UPF2: variants seen among roughly 807,000 people sequenced by gnomAD.
The protein encoded by UPF2 is regulator of nonsense transcripts 2.
Under a neutral mutation model 141.4 loss-of-function variants are expected in UPF2, and 17 were observed. That is an observed-to-expected ratio of 0.12 (90% CI 0.08 to 0.18). UPF2 has a LOEUF of 0.18. Ranked by LOEUF, UPF2 falls within the 10% of genes least tolerant of loss-of-function variation. The pLI is 1.00. For synonymous variants in UPF2, 540 were observed against 498.0 expected, an observed-to-expected ratio of 1.08 and a Z score of -1.12; for missense variants, 1,152 against 1,515.9, an observed-to-expected ratio of 0.76 and a Z score of 3.99.
chr10:12,016,382 C>T lies in UPF2; in HGVS notation c.1146-2198G>A, dbSNP rs1248717542. ...CTCGGCCAAAATTAAATAAAATACTCGAATAAGTAATGCTCAGAAGTAGGT... is the reference window on the plus strand; with the variant it reads ...CTCGGCCAAAATTAAATAAAATACTTGAATAAGTAATGCTCAGAAGTAGGT... On this transcript the variant is annotated intron_variant, in intron 3 of 21. Coordinates refer to ENST00000357604, the MANE Select transcript of UPF2 (RefSeq NM_015542.4). The surrounding 1 kb of genome is among the most constrained non-coding windows in gnomAD (Gnocchi z 4.1). 1.3e-5 allele frequency among the ~76,000 whole-genome samples: 2 copies of T among 152,038 alleles called. No individual in the cohort carries two copies. Among genetic ancestry groups the T allele is most frequent in the South Asian group, 2.1e-4 (1 of 4,804 alleles).
intron 9 of UPF2, among the ~76,000 whole-genome samples, chr10:11,970,218 G>A (rs901188853): frequency 2.6e-5 from 4 of 152,000 alleles, no homozygotes; most frequent in African/African-American, 9.7e-5. Context: ...TAATGTACAG[G>A]ACAAAAGAAG....
At chr10:11,958,926 T>C (rs1225466746) in intron 12 of UPF2, among the ~76,000 whole-genome samples, 1 of 152,160 alleles carries the variant, frequency 6.6e-6, no homozygotes, top group Non-Finnish European at 1.5e-5. Context: ...TTCAAATATA[T>C]ACATAAAATC....
chr10:12,039,126 T>A (rs941554795), intron 1 of UPF2, among the ~76,000 whole-genome samples: 1 of 152,216 alleles, frequency 6.6e-6, no homozygotes, highest in African/African-American at 2.4e-5. Context: ...ACATTTTACG[T>A]ATATTATCTC....
At position 11,921,140 on chromosome 10, in the gene UPF2, T is replaced by C. The variant is rs746270829; in HGVS notation, c.*158A>G. 7 of 972,434 alleles carry C rather than the reference T, an allele frequency of 7.2e-6. No homozygotes were observed. In the East Asian group the frequency reaches 1.4e-4, roughly 20 times the overall value. 60.2% of individuals were successfully genotyped at this position (972,434 alleles called of 1,614,324 possible). On this transcript the variant is annotated 3_prime_UTR_variant, in exon 22 of 22. Coordinates refer to ENST00000357604, the MANE Select transcript of UPF2 (RefSeq NM_015542.4). This position sits in a 1 kb window ranked among gnomAD's most constrained non-coding sequence, Gnocchi z 5.9. ...TTGTTCCGGTGTTGGCAGAGGCTGGTGTTTCTGCCTCCTGGCCCCAGCCTG... is the reference window on the plus strand; with the variant it reads ...TTGTTCCGGTGTTGGCAGAGGCTGGCGTTTCTGCCTCCTGGCCCCAGCCTG...
At position 11,920,318 on chromosome 10, in the gene UPF2, C is replaced by T. The variant is rs886488061; in HGVS notation, c.*980G>A. The T allele has an allele frequency of 3.3e-5, 5 of 150,236 alleles. No homozygotes were observed. The highest frequency in any genetic ancestry group is 7.4e-5 in the Non-Finnish European group (5 of 67,678). The allele number at this position is 150,236 out of a possible 1,614,324, so 9.3% of individuals were successfully genotyped here. A position where few individuals can be genotyped will look rare whatever the true frequency, so the allele number is the denominator to read the frequency against. ...AGATTGTCAGAAACAGACTAAGGACCCTCATTTCTATTTAGTGGGGGAAAA... is the reference window on the plus strand; with the variant it reads ...AGATTGTCAGAAACAGACTAAGGACTCTCATTTCTATTTAGTGGGGGAAAA... On this transcript the variant is annotated 3_prime_UTR_variant, in exon 22 of 22. Transcript: ENST00000357604.
chr10:11,968,686 T>C (rs959002989), intron 9 of UPF2, among the ~76,000 whole-genome samples: 4 of 152,216 alleles, frequency 2.6e-5, no homozygotes, highest in African/African-American at 9.7e-5. Flanking sequence ...ATTTCAAGAA[T>C]TATCAGATGC....
chr10:12,008,122 C>T (rs530965025), intron 4 of UPF2, among the ~76,000 whole-genome samples: 1 of 151,898 alleles, frequency 6.6e-6, no homozygotes, highest in East Asian at 1.9e-4. Flanking sequence ...ACCTCAAGTG[C>T]TCCACTCACC....
chr10:11,984,680 T>C (rs1588552881), intron 8 of UPF2, among the ~76,000 whole-genome samples: 1 of 142,210 alleles, frequency 7.0e-6, no homozygotes, highest in Non-Finnish European at 1.5e-5. Flanking sequence ...ATCTACTGAG[T>C]CCCCCACAAA....
intron 8 of UPF2, among the ~76,000 whole-genome samples, chr10:11,996,494 CGCCACCACACCCA>C (rs1564360279): frequency 5.3e-5 from 8 of 151,952 alleles, no homozygotes; most frequent in African/African-American, 1.9e-4. Context: ...TATGGGCATG[CGCCACCACACCCA>C]GCTAATTTTG....
At chr10:11,930,090 G>C in intron 20 of UPF2, 105 bp from the exon 21 acceptor site, 7 of 1,510,938 alleles carry the variant, frequency 4.6e-6, no homozygotes, top group Non-Finnish European at 6.3e-6. Context: ...AGTCCTGTCA[G>C]GGAGCTGACT....
intron 8 of UPF2, among the ~76,000 whole-genome samples, chr10:11,982,905 C>T (rs138820534): frequency 6.6e-6 from 1 of 152,152 alleles, no homozygotes; most frequent in Non-Finnish European, 1.5e-5. Flanking sequence ...CAGACATGAG[C>T]CACTGTGCCC....
intron 8 of UPF2, among the ~76,000 whole-genome samples, chr10:11,994,864 T>C (rs1833839046): frequency 6.7e-6 from 1 of 149,558 alleles, no homozygotes; most frequent in Non-Finnish European, 1.5e-5. Flanking sequence ...TAGTCCCAGC[T>C]ACTTGGGAGG....
intron 18 of UPF2, among the ~76,000 whole-genome samples, chr10:11,941,039 C>G (rs1219779547): frequency 6.6e-6 from 1 of 152,076 alleles, no homozygotes; most frequent in Non-Finnish European, 1.5e-5. Flanking sequence ...TAATCTCTAC[C>G]AAAGCATTCT....
chr10:12,009,026 C>A (rs1263769282), intron 4 of UPF2, among the ~76,000 whole-genome samples: 1 of 151,982 alleles, frequency 6.6e-6, no homozygotes, highest in Admixed American at 6.6e-5. Context: ...TGAACTCACT[C>A]TTTTTTATGG....
chr10:12,015,449 C>A (rs1457938897), intron 3 of UPF2, among the ~76,000 whole-genome samples: 1 of 152,216 alleles, frequency 6.6e-6, no homozygotes, highest in African/African-American at 2.4e-5. Context: ...CGCCTATAAT[C>A]CCAGCACTCT....
chr10:12,028,644 G>C (rs963315590), intron 3 of UPF2, 101 bp downstream of exon 3: 2 of 1,211,856 alleles, frequency 1.7e-6, no homozygotes, highest in South Asian at 3.3e-5. Context: ...CCTGTAAGGA[G>C]CCCTTTTCCA....
At chr10:12,028,277 C>T (rs182733107) in intron 3 of UPF2, among the ~76,000 whole-genome samples, 1 of 152,038 alleles carries the variant, frequency 6.6e-6, no homozygotes, top group Admixed American at 6.6e-5. Flanking sequence ...CATTATTTCC[C>T]AAAACTCTAA....
chr10:12,021,355 C>T (rs1834314018), intron 3 of UPF2, among the ~76,000 whole-genome samples: 1 of 135,902 alleles, frequency 7.4e-6, no homozygotes, highest in Non-Finnish European at 1.6e-5. Flanking sequence ...CATAATGAAA[C>T]CAAGTCTCTA....
At chr10:11,924,216 AG>A (rs1832682765) in intron 21 of UPF2, among the ~76,000 whole-genome samples, 1 of 152,242 alleles carries the variant, frequency 6.6e-6, no homozygotes, top group Non-Finnish European at 1.5e-5. Context: ...CCTTATTTCA[AG>A]GATCTCCTGG....
Sources: gnomAD v4.1 joint callset for allele counts (sites outside exome capture counted in the v4.1 genomes callset) on GRCh38, gnomAD v4.1.1 for gene constraint, Gnocchi (gnomAD v3.1) non-coding constraint, MANE v1.5 for transcripts, NCBI Gene and HGNC (gene_info 2026-07-23, HGNC 2026-07-21) for gene names.